SIPA1L2: variants seen among roughly 807,000 people sequenced by gnomAD.
The protein encoded by SIPA1L2 is signal induced proliferation associated 1 like 2, also known as signal-induced proliferation-associated 1-like protein 2.
In SIPA1L2, 56 loss-of-function variants were observed where a neutral mutation model predicts 163.9. The observed-to-expected ratio is 0.34, with a 90% CI of 0.28 to 0.43. The LOEUF is 0.43. SIPA1L2 is among the 20% of genes least tolerant of loss of function. The pLI is 1.00. For synonymous variants in SIPA1L2, 877 were observed against 865.7 expected (o/e 1.01, Z -0.23); for missense variants, 1,974 against 2,193.5 (o/e 0.90, Z 2.00).
intron 15 of SIPA1L2, among the ~76,000 whole-genome samples, chr1:232,435,168 G>A (rs1289790649): frequency 2.6e-5 from 4 of 152,182 alleles, no homozygotes; most frequent in Non-Finnish European, 5.9e-5. Context: ...CTGCATGTGT[G>A]TAGGTTACTC....
In SIPA1L2 at chr1:232,501,592, G is replaced by A. The variant is rs561069516; in HGVS notation, c.1484-7932C>T. On this transcript the variant is annotated intron_variant, in intron 3 of 22. Coordinates refer to ENST00000674635, the MANE Select transcript of SIPA1L2 (RefSeq NM_020808.5). Reference sequence around the variant, plus strand: ...TTCACTAAGTACCCACTTTAGTTAAGTGCCTTAGTCCTGCCCTTTGCTGGG... The same window carrying A: ...TTCACTAAGTACCCACTTTAGTTAAATGCCTTAGTCCTGCCCTTTGCTGGG... Among the ~76,000 whole-genome samples, 16 of 152,316 alleles carry A rather than the reference G, an allele frequency of 1.1e-4. No homozygotes were observed. The East Asian group carries it at 2.9e-3, about 28-fold the overall frequency.
intron 10 of SIPA1L2, among the ~76,000 whole-genome samples, chr1:232,460,468 T>C (rs1312517385): frequency 6.6e-6 from 1 of 152,204 alleles, no homozygotes; most frequent in Non-Finnish European, 1.5e-5. Context: ...TTAAATATTT[T>C]TTAAATAATC....
At chr1:232,625,657 A>C (rs1241739047) in intron 1 of SIPA1L2, among the ~76,000 whole-genome samples, 1 of 152,194 alleles carries the variant, frequency 6.6e-6, no homozygotes, top group Admixed American at 6.5e-5. Context: ...GGTCATGTTC[A>C]CGGGTCACGT....
intron 2 of SIPA1L2, among the ~76,000 whole-genome samples, chr1:232,536,763 A>T (rs1297134709): frequency 6.6e-6 from 1 of 152,204 alleles, no homozygotes; most frequent in East Asian, 1.9e-4. Flanking sequence ...ATAAATAAAA[A>T]GTTCTTCTGC....
chr1:232,520,857 G>A (rs1179356004), intron 2 of SIPA1L2, among the ~76,000 whole-genome samples: 1 of 152,060 alleles, frequency 6.6e-6, no homozygotes, highest in African/African-American at 2.4e-5. Flanking sequence ...CACCTAAAAT[G>A]CATTTACCAA....
chr1:232,402,699 T>C (rs1328764276), intron 21 of SIPA1L2: 1 of 348,070 alleles, frequency 2.9e-6, no homozygotes, highest in Non-Finnish European at 5.3e-6. Flanking sequence ...GATATACGAG[T>C]TGGTAGGAAA....
intron 16 of SIPA1L2, among the ~76,000 whole-genome samples, chr1:232,429,812 T>A (rs1662121627): frequency 6.6e-6 from 1 of 152,142 alleles, no homozygotes; most frequent in Admixed American, 6.5e-5. Flanking sequence ...CATTCGATCC[T>A]GAGGTGAGTT....
At chr1:232,532,980 T>G (rs1326207731) in intron 2 of SIPA1L2, among the ~76,000 whole-genome samples, 1 of 152,158 alleles carries the variant, frequency 6.6e-6, no homozygotes, top group East Asian at 1.9e-4. Context: ...CATAATGACA[T>G]TAGCTGTACA....
intron 9 of SIPA1L2, among the ~76,000 whole-genome samples, chr1:232,464,557 T>C (rs537381980): frequency 6.6e-6 from 1 of 152,352 alleles, no homozygotes; most frequent in African/African-American, 2.4e-5. Context: ...CAGACACTTC[T>C]GTTTTTCCTT....
rs975016989 is a variant in SIPA1L2 at position 232,528,097 on chromosome 1, T to C, written c.-269-12489A>G. Among the ~76,000 whole-genome samples, 6 of 133,068 alleles carry C rather than the reference T, an allele frequency of 4.5e-5. 1 individual carries two copies. Among genetic ancestry groups the C allele is most frequent in the Non-Finnish European group, 9.7e-5 (6 of 61,760 alleles). The allele number at this position is 133,068 out of a possible 152,430, so 87.3% of individuals were successfully genotyped here. ...CAAGTTTTATATATATATATATATA[T>C]ATATAATCAACTTTCTAAAAACCAC... On this transcript the variant is annotated intron_variant, in intron 2 of 22. Coordinates refer to ENST00000674635, the MANE Select transcript of SIPA1L2 (RefSeq NM_020808.5).
chr1:232,466,923 T>A (rs1478438366), intron 8 of SIPA1L2, among the ~76,000 whole-genome samples: 1 of 152,198 alleles, frequency 6.6e-6, no homozygotes, highest in African/African-American at 2.4e-5. Flanking sequence ...AGACCAAGAA[T>A]CTGTATTAAT....
chr1:232,540,982 A>G (rs1281879094), intron 2 of SIPA1L2, among the ~76,000 whole-genome samples: 1 of 152,170 alleles, frequency 6.6e-6, no homozygotes, highest in Non-Finnish European at 1.5e-5. Flanking sequence ...ATCCTCAGCA[A>G]ACTAACACAA....
intron 1 of SIPA1L2, among the ~76,000 whole-genome samples, chr1:232,599,629 G>A (rs768229920): frequency 2.6e-5 from 4 of 152,178 alleles, no homozygotes; most frequent in Admixed American, 6.5e-5. Flanking sequence ...GGTGAGAGCG[G>A]CTACACGGTG....
At chr1:232,576,908 G>A (rs1471863640) in intron 1 of SIPA1L2, among the ~76,000 whole-genome samples, 1 of 152,030 alleles carries the variant, frequency 6.6e-6, no homozygotes, top group Non-Finnish European at 1.5e-5. Context: ...GGCTGAGAGA[G>A]GTGAGGAGGC....
chr1:232,563,499 T>C (rs186424280), intron 2 of SIPA1L2, among the ~76,000 whole-genome samples: 1 of 152,286 alleles, frequency 6.6e-6, no homozygotes, highest in African/African-American at 2.4e-5. Flanking sequence ...CCCACTGAAA[T>C]AGACAAGAAG....
intron 7 of SIPA1L2, among the ~76,000 whole-genome samples, chr1:232,474,777 A>T (rs943083119): frequency 2.0e-5 from 3 of 152,238 alleles, no homozygotes; most frequent in Non-Finnish European, 4.4e-5. Context: ...AACGAGAGGA[A>T]AAAACTCAAA....
chr1:232,449,784 G>C (rs896000689), intron 10 of SIPA1L2, among the ~76,000 whole-genome samples: 1 of 151,988 alleles, frequency 6.6e-6, no homozygotes, highest in Non-Finnish European at 1.5e-5. Context: ...GTAAGCCTAC[G>C]GTTCTGGGGA....
rs5781699 is a variant in SIPA1L2 at position 232,487,919 on chromosome 1, TACACAC to T, written c.1806+2949_1806+2954del. 6.0e-3 allele frequency among the ~76,000 whole-genome samples: 864 copies of T among 144,278 alleles called. 10 individuals are homozygous for T. Among genetic ancestry groups the T allele is most frequent in the African/African-American group, 0.016 (614 of 39,142 alleles). The allele number at this position is 144,278 out of a possible 152,430, so 94.7% of individuals were successfully genotyped here. ...AAACTAACAATATATGTAATTAGGT[TACACAC>T]ACACACACACACACACACACACACA... On this transcript the variant is annotated intron_variant, in intron 5 of 22. Coordinates refer to ENST00000674635, the MANE Select transcript of SIPA1L2 (RefSeq NM_020808.5).
chr1:232,420,697 C>T (rs895296946), intron 18 of SIPA1L2, among the ~76,000 whole-genome samples: 9 of 151,658 alleles, frequency 5.9e-5, no homozygotes, highest in African/African-American at 9.7e-5. Context: ...TAGCCAGGTG[C>T]GGTGGTGGAT....
Sources: allele counts gnomAD v4.1 joint callset (sites outside exome capture counted in the v4.1 genomes callset), GRCh38; gene constraint gnomAD v4.1.1; transcripts MANE v1.5; gene names NCBI Gene and HGNC (gene_info 2026-07-23, HGNC 2026-07-21).